SLC36A1: variants seen among roughly 807,000 people sequenced by gnomAD.
The protein encoded by SLC36A1 is proton-coupled amino acid transporter 1.
Under a neutral mutation model 47.5 loss-of-function variants are expected in SLC36A1, and 30 were observed. The ratio of observed to expected loss-of-function variants is 0.63; its 90% CI spans 0.47 to 0.86. SLC36A1 has a LOEUF of 0.86. SLC36A1 is among the 40% of genes least tolerant of loss of function. SLC36A1 has a pLI of 0.00. For synonymous variants in SLC36A1, 255 were observed against 249.7 expected (o/e 1.02, Z -0.20); for missense variants, 517 against 606.0 (o/e 0.85, Z 1.54).
At chr5:151,394,601 T>G in the SLC36A1 span, among the ~76,000 whole-genome samples, 4 of 152,366 alleles carry the variant, frequency 2.6e-5, no homozygotes, top group East Asian at 7.7e-4. Flanking sequence ...CCTTTCTGTT[T>G]GTTAGCTTTC....
the SLC36A1 span, chr5:151,510,005 C>T: frequency 2.5e-5 from 41 of 1,612,000 alleles, no homozygotes; most frequent in Non-Finnish European, 3.4e-5. Context: ...TGGCAGGTGG[C>T]CTCTCCTGGG....
the SLC36A1 span, among the ~76,000 whole-genome samples, chr5:151,377,850 G>A: frequency 3.9e-5 from 6 of 151,960 alleles, no homozygotes; most frequent in African/African-American, 1.5e-4. Context: ...CTCACTTTTG[G>A]TTTCTGTTCA....
chr5:151,437,032 T>TG (rs1289234800), upstream of SLC36A1: 3 of 152,398 alleles, frequency 2.0e-5, no homozygotes, highest in Non-Finnish European at 2.9e-5. Flanking sequence ...GATGGGGCTT[T>TG]GGGGGTTTGC....
At chr5:151,392,578 T>C in the SLC36A1 span, among the ~76,000 whole-genome samples, 2 of 152,248 alleles carry the variant, frequency 1.3e-5, no homozygotes, top group Non-Finnish European at 2.9e-5. Context: ...CTTAAATGTG[T>C]CCCAGAGATT....
the SLC36A1 span, chr5:151,347,423 G>A: frequency 6.2e-7 from 1 of 1,614,190 alleles, no homozygotes. Context: ...GATGGCAACG[G>A]CTCCCTGGGG....
chr5:151,364,658 T>A, the SLC36A1 span, among the ~76,000 whole-genome samples: 1 of 152,146 alleles, frequency 6.6e-6, no homozygotes, highest in Non-Finnish European at 1.5e-5. Flanking sequence ...CACTGAGAGA[T>A]TTAGTCAGAG....
At chr5:151,452,386 C>T (rs572770708) in intron 1 of SLC36A1, 3 of 152,220 alleles carry the variant, frequency 2.0e-5, no homozygotes, top group East Asian at 1.9e-4. Context: ...GGGAATTTGC[C>T]GCTGCTCTGA....
the SLC36A1 span, among the ~76,000 whole-genome samples, chr5:151,408,188 G>T: frequency 2.0e-5 from 3 of 151,752 alleles, no homozygotes; most frequent in African/African-American, 4.8e-5. Flanking sequence ...GTTTTTGTTT[G>T]CTGCTGTTGT....
the SLC36A1 span, among the ~76,000 whole-genome samples, chr5:151,430,973 T>G: frequency 6.6e-6 from 1 of 152,244 alleles, no homozygotes; most frequent in Non-Finnish European, 1.5e-5. Flanking sequence ...CTCCCTAGGC[T>G]GTGAGATCCT....
the SLC36A1 span, among the ~76,000 whole-genome samples, chr5:151,359,902 G>C: frequency 6.6e-6 from 1 of 152,150 alleles, no homozygotes; most frequent in African/African-American, 2.4e-5. Flanking sequence ...TGGGTATGCT[G>C]CATTTTGTTT....
upstream of SLC36A1, among the ~76,000 whole-genome samples, chr5:151,436,667 A>G (rs1759793160): frequency 6.6e-6 from 1 of 152,042 alleles, no homozygotes; most frequent in African/African-American, 2.4e-5. Flanking sequence ...ATTGCCATAG[A>G]CCATCTCAAA....
the SLC36A1 span, chr5:151,553,200 C>T: frequency 6.2e-7 from 1 of 1,614,124 alleles, no homozygotes; most frequent in Non-Finnish European, 8.5e-7. Context: ...CCAGAAGAGT[C>T]CGGGTCTGCC....
the SLC36A1 span, among the ~76,000 whole-genome samples, chr5:151,362,674 A>T: frequency 4.8e-4 from 73 of 152,188 alleles, no homozygotes; most frequent in Admixed American, 2.8e-3. Flanking sequence ...TATAGGCGTG[A>T]GGCACAGAGC....
At position 151,492,134 on chromosome 5, in the gene SLC36A1, TA is replaced by T. The variant is rs1314956802; in HGVS notation, c.*3882del. The T allele has an allele frequency of 1.3e-5, 2 of 152,222 alleles. No homozygotes were observed. The highest frequency in any genetic ancestry group is 2.9e-5 in the Non-Finnish European group (2 of 68,044). 9.4% of individuals were successfully genotyped at this position (152,222 alleles called of 1,614,324 possible). A position where few individuals can be genotyped will look rare whatever the true frequency, so the allele number is the denominator to read the frequency against. ...GGGGAAGCTATGCTCTTTCAGTGGA[TA>T]ATAAAATTGGTAACTCTATTGTAAA... On this transcript the variant is annotated 3_prime_UTR_variant, in exon 11 of 11. Transcript: ENST00000243389.
chr5:151,446,117 T>C (rs1416392267), upstream of SLC36A1, among the ~76,000 whole-genome samples: 1 of 152,226 alleles, frequency 6.6e-6, no homozygotes, highest in Non-Finnish European at 1.5e-5. Context: ...GCTATAAACT[T>C]CTCTCTTAGA....
At chr5:151,517,581 G>A in the SLC36A1 span, 3 of 1,612,160 alleles carry the variant, frequency 1.9e-6, no homozygotes, top group South Asian at 1.1e-5. Flanking sequence ...CCCAGCCTGG[G>A]ACACCCACAT....
downstream of SLC36A1, among the ~76,000 whole-genome samples, chr5:151,494,029 C>G (rs1760271012): frequency 6.6e-6 from 1 of 152,118 alleles, no homozygotes; most frequent in South Asian, 2.1e-4. Context: ...TGTCTACCTC[C>G]TGAATTTTTT....
chr5:151,537,444 G>GGA, the SLC36A1 span, among the ~76,000 whole-genome samples: 3 of 26,580 alleles, frequency 1.1e-4, no homozygotes, highest in South Asian at 6.6e-4. Flanking sequence ...AAAGGAGAGG[G>GGA]GAGGGGAGGG....
chr5:151,350,139 C>T, the SLC36A1 span, among the ~76,000 whole-genome samples: 1 of 142,510 alleles, frequency 7.0e-6, no homozygotes, highest in Non-Finnish European at 1.6e-5. Flanking sequence ...CACCACCACC[C>T]TCCCCCGGCC....
Sources: gnomAD v4.1 joint callset for allele counts (sites outside exome capture counted in the v4.1 genomes callset) on GRCh38, gnomAD v4.1.1 for gene constraint, MANE v1.5 for transcripts, NCBI Gene and HGNC (gene_info 2026-07-23, HGNC 2026-07-21) for gene names.